SPTBN4: variants seen among roughly 807,000 people sequenced by gnomAD.
The protein encoded by SPTBN4 is spectrin beta chain, non-erythrocytic 4.
Under a neutral mutation model 277.8 loss-of-function variants are expected in SPTBN4, and 96 were observed. The ratio of observed to expected loss-of-function variants is 0.35; its 90% CI spans 0.29 to 0.41. SPTBN4 has a LOEUF of 0.41. Among genes scored for constraint, SPTBN4 ranks in the 10% least tolerant of loss-of-function variants. The pLI, the probability that SPTBN4 is intolerant of heterozygous loss-of-function variation, is 1.00. For synonymous variants in SPTBN4, 1,481 were observed against 1,580.3 expected, an observed-to-expected ratio of 0.94 and a Z score of 1.49; for missense variants, 3,006 against 3,595.7, an observed-to-expected ratio of 0.84 and a Z score of 4.19.
intron 2 of SPTBN4, among the ~76,000 whole-genome samples, chr19:40,487,348 CTTTT>C (rs574600197): frequency 7.8e-6 from 1 of 128,354 alleles, no homozygotes; most frequent in African/African-American, 3.0e-5. Context: ...CCGACTCACT[CTTTT>C]TTTTTTTTTT....
At chr19:40,527,370 T>G (rs2080605147) in intron 17 of SPTBN4, among the ~76,000 whole-genome samples, 1 of 152,176 alleles carries the variant, frequency 6.6e-6, no homozygotes, top group Admixed American at 6.6e-5. Flanking sequence ...GCCAAGCCCT[T>G]TTTCTAAGCA....
Position 40,502,973 on chromosome 19 carries a change from A to AG in SPTBN4, c.1362+43dup, listed in dbSNP as rs1224270750. 2.5e-6 allele frequency: 4 copies of AG among 1,599,390 alleles called. No homozygotes were observed. The African/African-American group carries it at 4.0e-5, about 16-fold the overall frequency. ...GCTTGGCTCCAGGGTAAAGGGACGG[A>AG]GGGCGGGGCTGATGGTCCTGGGACC... On this transcript the variant is annotated intron_variant, in intron 11 of 35. Transcript: ENST00000598249. This position sits in a 1 kb window ranked among gnomAD's most constrained non-coding sequence, Gnocchi z 4.9.
chr19:40,537,432 A>G (rs1230161154), intron 20 of SPTBN4, among the ~76,000 whole-genome samples: 2 of 152,204 alleles, frequency 1.3e-5, no homozygotes, highest in African/African-American at 4.8e-5. Context: ...TGCTGGAGAG[A>G]GAATGAGAAT....
At position 40,520,052 on chromosome 19, in the gene SPTBN4, C is replaced by T. The variant is rs74764137; in HGVS notation, c.3555C>T (p.Leu1185=). The T allele has an allele frequency of 3.9e-6, 6 of 1,548,988 alleles. No homozygotes were observed. Among genetic ancestry groups the T allele is most frequent in the East Asian group, 2.5e-5 (1 of 40,456 alleles). The change falls in exon 16 of 36, where the codon CTC becomes CTT. Residue 1185 remains leucine (L), a synonymous_variant. Transcript: ENST00000598249. The part of the protein sequence containing the change: ...PHLELGWHKL[L]GLWEARREAL... ...TCGAACTTGGCTGGCATAAACTGCT[C>T]GGCTTGTGGGAGGCGCGCAGGGAGG...
chr19:40,523,692 G>C, intron 17 of SPTBN4, 53 bp downstream of exon 17: 2 of 1,525,578 alleles, frequency 1.3e-6, no homozygotes, highest in Non-Finnish European at 8.9e-7. Context: ...ATGGGGCCCA[G>C]CATAGGGGAG....
At chr19:40,532,086 G>A (rs1393347371) in intron 18 of SPTBN4, among the ~76,000 whole-genome samples, 1 of 151,686 alleles carries the variant, frequency 6.6e-6, no homozygotes, top group Non-Finnish European at 1.5e-5. Context: ...GAGGTTGTTT[G>A]GGGGGTTTAT....
At chr19:40,479,167 G>C (rs1397462178) in intron 2 of SPTBN4, among the ~76,000 whole-genome samples, 1 of 152,038 alleles carries the variant, frequency 6.6e-6, no homozygotes. Flanking sequence ...GTGCTATCAC[G>C]GCTCACTGCA....
chr19:40,494,582 T>A (rs1459815242), intron 5 of SPTBN4, among the ~76,000 whole-genome samples: 1 of 152,066 alleles, frequency 6.6e-6, no homozygotes, highest in Non-Finnish European at 1.5e-5. Flanking sequence ...TCAATCTATA[T>A]ATATATCATC....
At position 40,513,234 on chromosome 19, in the gene SPTBN4, C is replaced by A; in HGVS notation, c.2445C>A (p.His815Gln). The A allele has an allele frequency of 6.6e-7, 1 of 1,516,244 alleles. No individual in the cohort carries two copies. The highest frequency in any genetic ancestry group is 1.4e-5 in the African/African-American group (1 of 70,322). 93.9% of individuals were successfully genotyped at this position (1,516,244 alleles called of 1,614,324 possible). The change falls in exon 14 of 36, where the codon CAC becomes CAA. Residue 815 changes from histidine (H) to glutamine (Q), a missense_variant. His to Gln is a conservative substitution (Grantham distance 24). This residue lies in a region of SPTBN4 where 1,759 missense variants were observed against 2,061.5 expected (regional missense o/e 0.85). Transcript: ENST00000598249. ...CCAGCCGCCGCCTGGCGCGCCAGCA[C>A]CGCGCGCTCACCGGGGAGGTGGAGG... ...EASSRRLARQ[H>Q]RALTGEVEAH...
intron 31 of SPTBN4, among the ~76,000 whole-genome samples, chr19:40,569,358 G>A (rs888644658): frequency 6.7e-6 from 1 of 150,148 alleles, no homozygotes; most frequent in African/African-American, 2.5e-5. Flanking sequence ...ACAGGAGGCA[G>A]AGGTTGCAGT....
intron 2 of SPTBN4, among the ~76,000 whole-genome samples, chr19:40,483,800 C>T (rs1056437186): frequency 6.6e-6 from 1 of 152,116 alleles, no homozygotes; most frequent in African/African-American, 2.4e-5. Flanking sequence ...TAGAGTGGTA[C>T]CAGAATGAGG....
intron 2 of SPTBN4, among the ~76,000 whole-genome samples, chr19:40,479,445 C>T (rs531274951): frequency 1.1e-4 from 16 of 152,000 alleles, no homozygotes; most frequent in African/African-American, 3.6e-4. Flanking sequence ...AATTTCTTCT[C>T]CCCTGTAGGC....
chr19:40,540,675 C>T (rs994333139), intron 20 of SPTBN4, among the ~76,000 whole-genome samples: 3 of 151,610 alleles, frequency 2.0e-5, no homozygotes, highest in African/African-American at 4.8e-5. Context: ...GGCAACATAG[C>T]GAGATTCACA....
intron 3 of SPTBN4, among the ~76,000 whole-genome samples, chr19:40,488,352 G>C (rs1202179836): frequency 6.6e-6 from 1 of 152,056 alleles, no homozygotes; most frequent in African/African-American, 2.4e-5. Context: ...ACGGTGTCCT[G>C]GGATGTGGCT....
chr19:40,554,211 C>A lies in SPTBN4; in HGVS notation c.4739C>A (p.Ala1580Glu). ...GAGGAGGTGCTGGAGCGCGCGGGCG[C>A]GCTGGCGTCGCTGCGCAGCCCGGAG... ...RLEEVLERAG[A>E]LASLRSPEAE... is the part of the protein sequence containing the mutation. Residue 1580 changes from alanine (A) to glutamate (E), a missense_variant, in exon 23 of 36, where the codon GCG (alanine) becomes GAG (glutamate). Ala to Glu is a moderately radical substitution (Grantham distance 107). Transcript: ENST00000598249. The surrounding 1 kb of genome is among the most constrained non-coding windows in gnomAD (Gnocchi z 5.7). 1 of 1,485,782 alleles carries A rather than the reference C, an allele frequency of 6.7e-7. No homozygotes were observed. Among genetic ancestry groups the A allele is most frequent in the Non-Finnish European group, 8.8e-7 (1 of 1,129,972 alleles). The allele number at this position is 1,485,782 out of a possible 1,614,324, so 92.0% of individuals were successfully genotyped here. A position where few individuals can be genotyped will look rare whatever the true frequency, so the allele number is the denominator to read the frequency against.
intron 3 of SPTBN4, 147 bp from the exon 4 acceptor site, chr19:40,489,928 T>C: frequency 1.3e-6 from 1 of 750,972 alleles, no homozygotes; most frequent in East Asian, 2.9e-5. Context: ...TCCTGTGTCT[T>C]GGATAAAACG....
chr19:40,504,833 CAG>C (rs1207271211), intron 12 of SPTBN4, among the ~76,000 whole-genome samples: 2 of 150,268 alleles, frequency 1.3e-5, no homozygotes, highest in Non-Finnish European at 2.9e-5. Flanking sequence ...GCCTGAGTGA[CAG>C]AGTTTGATTC....
chr19:40,475,475 A>T (rs1436177645), intron 2 of SPTBN4, among the ~76,000 whole-genome samples: 1 of 151,496 alleles, frequency 6.6e-6, no homozygotes, highest in African/African-American at 2.4e-5. Context: ...TTATTTATTT[A>T]TTTGAGGTGG....
At chr19:40,497,166 G>A (rs1437164256) in intron 6 of SPTBN4, among the ~76,000 whole-genome samples, 1 of 151,104 alleles carries the variant, frequency 6.6e-6, no homozygotes, top group Admixed American at 6.6e-5. Context: ...ATTTCACAGA[G>A]ACATACACAG....
Sources: allele counts gnomAD v4.1 joint callset (sites outside exome capture counted in the v4.1 genomes callset), GRCh38; gene constraint gnomAD v4.1.1; regional missense constraint gnomAD v4.1.1; non-coding constraint Gnocchi (gnomAD v3.1); transcripts MANE v1.5; gene names NCBI Gene and HGNC (gene_info 2026-07-23, HGNC 2026-07-21).